DDX60: variants seen among roughly 807,000 people sequenced by gnomAD.
The protein encoded by DDX60 is probable ATP-dependent RNA helicase DDX60.
DDX60 carries 165 observed loss-of-function variants against 212.8 expected under a neutral mutation model. The observed-to-expected ratio is 0.78, with a 90% CI of 0.68 to 0.88. The LOEUF (loss-of-function observed/expected upper bound fraction) is 0.88. DDX60 is among the 40% of genes least tolerant of loss of function. The pLI is 0.00. For synonymous variants in DDX60, 703 were observed against 685.3 expected (o/e 1.03, Z -0.40); for missense variants, 1,905 against 2,003.9 (o/e 0.95, Z 0.94).
intron 30 of DDX60, 63 bp from the exon 31 acceptor site, chr4:168,237,858 GATA>G: frequency 8.5e-7 from 1 of 1,173,140 alleles, no homozygotes; most frequent in South Asian, 1.5e-5. Context: ...GTTTGAAAAT[GATA>G]ATAAATGATA....
At position 168,276,130 on chromosome 4, in the gene DDX60, T is replaced by C; in HGVS notation, c.2030A>G (p.His677Arg). 6.2e-7 allele frequency: 1 copy of C among 1,613,258 alleles called. No individual in the cohort carries two copies. The highest frequency in any genetic ancestry group is 8.5e-7 in the Non-Finnish European group (1 of 1,179,526). ...SIAVQVMKRI[H>R]SLMEKYSELL... Reference sequence around the variant, plus strand: ...TTCTGAGTATTTTTCCATCAAGGAGTGGATCCTTTTCATCACCTGAACAGC... The same window carrying C: ...TTCTGAGTATTTTTCCATCAAGGAGCGGATCCTTTTCATCACCTGAACAGC... The change falls in exon 15 of 38, where the codon CAC (histidine) becomes CGC (arginine). Residue 677 changes from histidine to arginine, a missense_variant. By Grantham distance (29) the His-to-Arg change is conservative. Transcript: ENST00000393743.
At chr4:168,305,692 C>A (rs1736846169) in intron 5 of DDX60, among the ~76,000 whole-genome samples, 1 of 150,116 alleles carries the variant, frequency 6.7e-6, no homozygotes, top group Admixed American at 6.7e-5. Context: ...TATCCGTATG[C>A]ATATTTACTC....
intron 3 of DDX60, among the ~76,000 whole-genome samples, chr4:168,309,759 A>C (rs1737049008): frequency 6.6e-6 from 1 of 152,204 alleles, no homozygotes; most frequent in African/African-American, 2.4e-5. Context: ...ACAGAAGAAA[A>C]TCATTGAGGG....
At chr4:168,268,383 A>G (rs1353841823) in intron 20 of DDX60, among the ~76,000 whole-genome samples, 1 of 152,150 alleles carries the variant, frequency 6.6e-6, no homozygotes, top group Non-Finnish European at 1.5e-5. Context: ...AATAACTATT[A>G]TTATAAAGTA....
intron 5 of DDX60, among the ~76,000 whole-genome samples, chr4:168,304,793 TAAAA>T (rs1459862134): frequency 3.3e-5 from 5 of 152,054 alleles, no homozygotes; most frequent in Non-Finnish European, 7.4e-5. Context: ...ATTCACAAAA[TAAAA>T]AATTACAGTA....
chr4:168,290,724 A>G (rs1736057366), intron 8 of DDX60, among the ~76,000 whole-genome samples: 1 of 152,158 alleles, frequency 6.6e-6, no homozygotes, highest in Non-Finnish European at 1.5e-5. Context: ...CAGATTATAA[A>G]GCATTCTATG....
At position 168,287,253 on chromosome 4, in the gene DDX60, T is replaced by C. The variant is rs1359635288; in HGVS notation, c.1184-50A>G. 2 of 1,456,560 alleles carry C rather than the reference T, an allele frequency of 1.4e-6. 1 individual carries two copies. The highest frequency in any genetic ancestry group is 4.5e-4 in the Middle Eastern group (2 of 4,420). 90.2% of individuals were successfully genotyped at this position (1,456,560 alleles called of 1,614,324 possible). A position where few individuals can be genotyped will look rare whatever the true frequency, so the allele number is the denominator to read the frequency against. ...ATACTAGAAGCCATCCACTCCCACA[T>C]AAAGAATCATTAGTCACATTTTGAG... On this transcript the variant is annotated intron_variant, in intron 9 of 37. Transcript: ENST00000393743.
chr4:168,319,058 T>C (rs187373094), upstream of DDX60, among the ~76,000 whole-genome samples: 27 of 152,340 alleles, frequency 1.8e-4, no homozygotes, highest in Non-Finnish European at 2.6e-4. Flanking sequence ...ATTTTGAATA[T>C]TCTCATCACA....
At chr4:168,313,756 A>T (rs1229417438) in intron 1 of DDX60, among the ~76,000 whole-genome samples, 1 of 152,226 alleles carries the variant, frequency 6.6e-6, no homozygotes, top group East Asian at 1.9e-4. Flanking sequence ...GGACAAAATC[A>T]ATAGCTAACC....
intron 6 of DDX60, among the ~76,000 whole-genome samples, chr4:168,298,309 A>G (rs1406505681): frequency 6.6e-6 from 1 of 152,176 alleles, no homozygotes; most frequent in African/African-American, 2.4e-5. Flanking sequence ...TAAAAGAAAA[A>G]ATAATTTCAA....
chr4:168,287,154 G>T lies in DDX60; in HGVS notation c.1233C>A (p.Leu411=). ...GDTIMKDYEY[L]WNTVSKLVRD... is the part of the protein sequence containing the mutation. The stretch of plus-strand genomic sequence containing the variant: ...TGACCAACTTTGATACGGTATTCCA[G>T]AGATATTCATAATCTTTCATAATGG... Residue 411 remains leucine (L), a synonymous_variant, in exon 10 of 38, where the codon CTC becomes CTA. Coordinates refer to ENST00000393743, the MANE Select transcript of DDX60 (RefSeq NM_017631.6). The T allele has an allele frequency of 6.2e-7, 1 of 1,611,068 alleles. No individual in the cohort carries two copies. Among genetic ancestry groups the T allele is most frequent in the Non-Finnish European group, 8.5e-7 (1 of 1,178,606 alleles).
chr4:168,275,911 G>GT (rs1401467354), intron 15 of DDX60, 104 bp downstream of exon 15: 2 of 897,526 alleles, frequency 2.2e-6, no homozygotes, highest in Non-Finnish European at 3.2e-6. Context: ...AGTATTTTCA[G>GT]TAAAAAAAAA....
rs115847653 is a variant in DDX60, at chr4:168,232,448, C to T, written c.4533+3804G>A. On this transcript the variant is annotated intron_variant, in intron 33 of 37. Transcript: ENST00000393743. ...AACAAATCTGGAAGCATCATACTAC[C>T]TGACTTCAAACTATACTATACGGTT... 7.6e-3 allele frequency among the ~76,000 whole-genome samples: 1,152 copies of T among 152,172 alleles called. 1 individual carries two copies. Among genetic ancestry groups the T allele is most frequent in the Non-Finnish European group, 0.013 (857 of 67,948 alleles).
At chr4:168,295,028 A>G (rs1736279833) in intron 6 of DDX60, among the ~76,000 whole-genome samples, 1 of 152,202 alleles carries the variant, frequency 6.6e-6, no homozygotes, top group Non-Finnish European at 1.5e-5. Flanking sequence ...AACTACAATG[A>G]GATATCACCT....
intron 25 of DDX60, among the ~76,000 whole-genome samples, chr4:168,257,901 GTTTTGGAGAC>G (rs1381501356): frequency 2.6e-5 from 4 of 152,288 alleles, no homozygotes; most frequent in African/African-American, 9.6e-5. Context: ...CAGTTCTTTG[GTTTTGGAGAC>G]GCAAAACCAG....
chr4:168,262,145 A>G lies in DDX60; in HGVS notation c.3145-17T>C. Reference sequence around the variant, plus strand: ...GCACAGTTCCTTGAAAACAAATATTACAAAATTAGGCACAATCATGCAAGA... The same window carrying G: ...GCACAGTTCCTTGAAAACAAATATTGCAAAATTAGGCACAATCATGCAAGA... On this transcript the variant is annotated splice_polypyrimidine_tract_variant and intron_variant, in intron 23 of 37. Transcript: ENST00000393743. The G allele has an allele frequency of 6.4e-7, 1 of 1,571,728 alleles. No homozygotes were observed. Among genetic ancestry groups the G allele is most frequent in the Non-Finnish European group, 8.6e-7 (1 of 1,167,344 alleles).
At position 168,237,320 on chromosome 4, in the gene DDX60, T is replaced by G. The variant is rs6552559; in HGVS notation, c.4377A>C (p.Gly1459=). 0.082 allele frequency: 129,312 copies of G among 1,581,598 alleles called. 10,326 individuals carry two copies. Among genetic ancestry groups the G allele is most frequent in the African/African-American group, 0.4 (29,260 of 73,974 alleles). The change falls in exon 32 of 38, where the codon GGA becomes GGC. Residue 1459 remains glycine (G), a synonymous_variant. Coordinates refer to ENST00000393743, the MANE Select transcript of DDX60 (RefSeq NM_017631.6). ...TTGGCTGACAGAGATCATGGAAGAG[T>G]CCATTTACAAGAAAACTGACAAAAA... ...NLVFVSFLVN[G]LFHDLCQPTR...
At position 168,251,125 on chromosome 4, in the gene DDX60, T is replaced by G; in HGVS notation, c.3706-19A>C. On this transcript the variant is annotated intron_variant, in intron 27 of 37. Transcript: ENST00000393743. ...GCAAAGTCTAAAAGAAGCAAGACAT[T>G]TAGGGATTATGATTTAATTTTAATT... 1 of 1,589,936 alleles carries G rather than the reference T, an allele frequency of 6.3e-7. No homozygotes were observed. Among genetic ancestry groups the G allele is most frequent in the Non-Finnish European group, 8.5e-7 (1 of 1,170,328 alleles).
In DDX60 at chr4:168,267,590, T is replaced by A; in HGVS notation, c.3031A>T (p.Thr1011Ser). ...GCTAAAATATTACCTACATGATCTG[T>A]TGTTAGTGCAGCACATGGGTGAAAA... ...DHFHPCAALT[T>S]DHIERYGFPP... The change falls in exon 22 of 38, where the codon ACA becomes TCA. Residue 1011 changes from threonine (T) to serine (S), a missense_variant. Physicochemically the swap from Thr to Ser is moderately conservative, Grantham distance 58. Transcript: ENST00000393743. The A allele has an allele frequency of 1.9e-6, 3 of 1,562,014 alleles. No individual in the cohort carries two copies. Among genetic ancestry groups the A allele is most frequent in the Non-Finnish European group, 2.6e-6 (3 of 1,149,622 alleles).
Sources: gnomAD v4.1 joint callset for allele counts (sites outside exome capture counted in the v4.1 genomes callset) on GRCh38, gnomAD v4.1.1 for gene constraint, MANE v1.5 for transcripts, NCBI Gene and HGNC (gene_info 2026-07-23, HGNC 2026-07-21) for gene names.